The following ACACB variants were observed in gnomAD, a reference collection of about 807,000 sequenced individuals.
ACACB encodes acetyl-CoA carboxylase beta.
ACACB carries 209 observed loss-of-function variants against 278.8 expected under a neutral mutation model. The ratio of observed to expected loss-of-function variants is 0.75; its 90% CI spans 0.67 to 0.84. The LOEUF (loss-of-function observed/expected upper bound fraction) is 0.84, where lower values mean the gene tolerates loss of function less well. ACACB is among the 40% of genes least tolerant of loss of function. The pLI, the probability that ACACB is intolerant of heterozygous loss-of-function variation, is 0.00. For missense variants in ACACB, 2,850 were observed against 3,269.0 expected, an observed-to-expected ratio of 0.87 and a Z score of 3.13; for synonymous variants, 1,174 against 1,285.6, an observed-to-expected ratio of 0.91 and a Z score of 1.86.
chr12:109,133,051 G>A (rs1294524764), intron 1 of ACACB, among the ~76,000 whole-genome samples: 4 of 151,970 alleles, frequency 2.6e-5, no homozygotes, highest in East Asian at 1.9e-4. Context: ...CCTTCTATCC[G>A]TAGTTAATCA....
chr12:109,194,211 T>C (rs2045010965), intron 16 of ACACB, among the ~76,000 whole-genome samples: 1 of 151,922 alleles, frequency 6.6e-6, no homozygotes, highest in African/African-American at 2.4e-5. Context: ...GTTGTTGTTT[T>C]TTCAAACGGA....
intron 1 of ACACB, among the ~76,000 whole-genome samples, chr12:109,118,673 C>A (rs2042465867): frequency 6.6e-6 from 1 of 152,142 alleles, no homozygotes; most frequent in Non-Finnish European, 1.5e-5. Flanking sequence ...CTTGGCCTCC[C>A]AAAGTGCTGG....
intron 47 of ACACB, 40 bp from the exon 48 acceptor site, chr12:109,260,440 G>A (rs1175391353): frequency 6.2e-7 from 1 of 1,612,884 alleles, no homozygotes; most frequent in Non-Finnish European, 8.5e-7. Flanking sequence ...ATGTGTGGAT[G>A]AGTGAGGGCC....
chr12:109,251,775 C>A (rs552729973), intron 41 of ACACB, among the ~76,000 whole-genome samples: 2 of 152,326 alleles, frequency 1.3e-5, no homozygotes, highest in East Asian at 3.9e-4. Context: ...GAGCTGCACA[C>A]AAGCCTCTTA....
At chr12:109,164,717 ATTTTT>A (rs36026617) in intron 2 of ACACB, among the ~76,000 whole-genome samples, 4 of 134,104 alleles carry the variant, frequency 3.0e-5, no homozygotes, top group African/African-American at 5.6e-5. Flanking sequence ...GCTAATTTAA[ATTTTT>A]TTTTTTTTTT....
Position 109,180,051 on chromosome 12 carries a change from G to T in ACACB, c.1782G>T (p.Met594Ile), listed in dbSNP as rs749219076. Reference sequence around the variant, plus strand: ...AGGTGGAACATCCCTGCACAGAAATGATTGCTGATGTTAATCTGCCGGCCG... The same window carrying T: ...AGGTGGAACATCCCTGCACAGAAATTATTGCTGATGTTAATCTGCCGGCCG... ...RLQVEHPCTE[M>I]IADVNLPAAQ... The change falls in exon 11 of 53, where the codon ATG becomes ATT. Residue 594 changes from methionine to isoleucine, a missense_variant. Physicochemically the swap from Met to Ile is conservative, Grantham distance 10 (BLOSUM62 1). Transcript: ENST00000338432. The T allele has an allele frequency of 2.7e-5, 43 of 1,612,608 alleles. No homozygotes were observed. In the South Asian group the frequency reaches 4.5e-4, roughly 17 times the overall value.
At chr12:109,158,890 A>G (rs997277961) in intron 2 of ACACB, among the ~76,000 whole-genome samples, 3 of 152,164 alleles carry the variant, frequency 2.0e-5, no homozygotes, top group Non-Finnish European at 4.4e-5. Context: ...CAGGAGAATC[A>G]CTTGAACCTG....
intron 44 of ACACB, among the ~76,000 whole-genome samples, chr12:109,255,835 G>A (rs1195806180): frequency 6.6e-6 from 1 of 152,206 alleles, no homozygotes; most frequent in African/African-American, 2.4e-5. Flanking sequence ...TGCATCTTAG[G>A]AAGAGAAGGC....
intron 37 of ACACB, among the ~76,000 whole-genome samples, chr12:109,245,135 G>T (rs2046905375): frequency 6.6e-6 from 1 of 151,932 alleles, no homozygotes; most frequent in Non-Finnish European, 1.5e-5. Flanking sequence ...GGTGAGCTGA[G>T]ATTGCGCCAT....
chr12:109,149,513 G>A (rs759423075), intron 2 of ACACB, among the ~76,000 whole-genome samples: 2 of 152,166 alleles, frequency 1.3e-5, no homozygotes, highest in Non-Finnish European at 2.9e-5. Context: ...GAGCCCAGGA[G>A]TTTGAGGCTG....
intron 11 of ACACB, among the ~76,000 whole-genome samples, chr12:109,182,900 C>T (rs1415316271): frequency 6.6e-6 from 1 of 152,124 alleles, no homozygotes; most frequent in Non-Finnish European, 1.5e-5. Context: ...AGAGTTCCCC[C>T]AATGTTTTCT....
chr12:109,197,642 C>T (rs189405217), intron 17 of ACACB, among the ~76,000 whole-genome samples: 62 of 152,078 alleles, frequency 4.1e-4, no homozygotes, highest in African/African-American at 1.4e-3. Context: ...GTGTACCTGA[C>T]GGGTAACACA....
intron 49 of ACACB, chr12:109,262,951 T>TTTATATATATATATATATAAA (rs66779660): frequency 0.015 from 173 of 11,884 alleles, 9 homozygotes; most frequent in Non-Finnish European, 0.012. Flanking sequence ...TTTTTAACAT[T>TTTATATATATATATATATAAA]ATATATATAT....
intron 1 of ACACB, among the ~76,000 whole-genome samples, chr12:109,128,520 G>T (rs1192387642): frequency 6.6e-6 from 1 of 151,836 alleles, no homozygotes; most frequent in Non-Finnish European, 1.5e-5. Context: ...TGTGTTTTTA[G>T]TAGAGACGGG....
chr12:109,175,872 T>C, intron 7 of ACACB, 59 bp from the exon 8 acceptor site: 1 of 1,488,902 alleles, frequency 6.7e-7, no homozygotes, highest in Non-Finnish European at 9.4e-7. Flanking sequence ...CTGTGGTTTC[T>C]GGGTTGTGTG....
intron 21 of ACACB, among the ~76,000 whole-genome samples, chr12:109,210,093 A>G (rs1400055062): frequency 1.7e-5 from 2 of 119,978 alleles, no homozygotes; most frequent in Non-Finnish European, 3.4e-5. Flanking sequence ...ATATATACAC[A>G]CATGTGTGTG....
chr12:109,161,537 A>G (rs2043721954), intron 2 of ACACB, among the ~76,000 whole-genome samples: 1 of 151,988 alleles, frequency 6.6e-6, no homozygotes, highest in Non-Finnish European at 1.5e-5. Context: ...AGTGAGACGC[A>G]GTCTCAGAAA....
chr12:109,230,997 A>G (rs1320489260), intron 28 of ACACB, among the ~76,000 whole-genome samples: 1 of 152,076 alleles, frequency 6.6e-6, no homozygotes, highest in Non-Finnish European at 1.5e-5. Context: ...GGCTGCCCCC[A>G]CCAACCAGCC....
intron 17 of ACACB, among the ~76,000 whole-genome samples, chr12:109,197,469 C>A (rs1462380409): frequency 6.6e-6 from 1 of 152,080 alleles, no homozygotes; most frequent in African/African-American, 2.4e-5. Context: ...TGCATCTGGG[C>A]TCTGGCATCC....
Sources: gnomAD v4.1 joint callset for allele counts (sites outside exome capture counted in the v4.1 genomes callset) on GRCh38, gnomAD v4.1.1 for gene constraint, MANE v1.5 for transcripts, NCBI Gene and HGNC (gene_info 2026-07-23, HGNC 2026-07-21) for gene names.